KIF26B: variants seen among roughly 807,000 people sequenced by gnomAD.
KIF26B encodes kinesin-like protein KIF26B.
Under a neutral mutation model 151.2 loss-of-function variants are expected in KIF26B, and 63 were observed. That is an observed-to-expected ratio of 0.42 (90% CI 0.34 to 0.51). The LOEUF (loss-of-function observed/expected upper bound fraction) is 0.51, where lower values mean the gene tolerates loss of function less well. KIF26B is among the 20% of genes least tolerant of loss of function. The probability of loss-of-function intolerance (pLI) is 0.07; values close to 1 mark genes in which losing one functional copy is unlikely to be tolerated. For missense variants in KIF26B, 2,813 were observed against 2,913.6 expected (o/e 0.97, Z 0.79); for synonymous variants, 1,357 against 1,262.1 (o/e 1.08, Z -1.59).
At chr1:245,161,717 G>A (rs1223033095) in intron 2 of KIF26B, among the ~76,000 whole-genome samples, 1 of 152,178 alleles carries the variant, frequency 6.6e-6, no homozygotes, top group Non-Finnish European at 1.5e-5. Context: ...AGTGCTTGAT[G>A]TGGTTAAGAT....
intron 2 of KIF26B, among the ~76,000 whole-genome samples, chr1:245,243,109 T>C (rs1670241440): frequency 6.6e-6 from 1 of 152,236 alleles, no homozygotes; most frequent in Non-Finnish European, 1.5e-5. Flanking sequence ...TGTCAAGTCA[T>C]AAGTTGTACA....
chr1:245,510,875 C>T, intron 4 of KIF26B: 1 of 575,598 alleles, frequency 1.7e-6, no homozygotes, highest in Non-Finnish European at 3.1e-6. Flanking sequence ...AGGCCAGGAT[C>T]ATGGTTTAGC....
intron 3 of KIF26B, among the ~76,000 whole-genome samples, chr1:245,416,597 G>A (rs985290547): frequency 3.3e-5 from 5 of 152,082 alleles, no homozygotes; most frequent in African/African-American, 1.2e-4. Flanking sequence ...AAAAGATTGA[G>A]GCTCTGTAAA....
At chr1:245,594,643 C>T (rs2043321841) in intron 5 of KIF26B, among the ~76,000 whole-genome samples, 1 of 152,100 alleles carries the variant, frequency 6.6e-6, no homozygotes, top group African/African-American at 2.4e-5. Context: ...ATTGTCTTGG[C>T]TATATGGGCT....
intron 2 of KIF26B, among the ~76,000 whole-genome samples, chr1:245,346,725 A>G (rs1311854503): frequency 6.6e-6 from 1 of 152,164 alleles, no homozygotes; most frequent in Non-Finnish European, 1.5e-5. Context: ...TAATGCAGTC[A>G]TTATCTGTTA....
chr1:245,279,499 C>T (rs1214196259), intron 2 of KIF26B, among the ~76,000 whole-genome samples: 1 of 151,666 alleles, frequency 6.6e-6, no homozygotes, highest in Non-Finnish European at 1.5e-5. Flanking sequence ...TGTAGAGATG[C>T]GGTTTTGCCA....
intron 2 of KIF26B, among the ~76,000 whole-genome samples, chr1:245,184,136 A>G (rs959145733): frequency 3.6e-5 from 5 of 140,322 alleles, no homozygotes; most frequent in Admixed American, 2.4e-4. Context: ...GCTCTGGGAA[A>G]GTGGGGGGAA....
At chr1:245,644,235 T>C (rs929383883) in intron 9 of KIF26B, among the ~76,000 whole-genome samples, 7 of 152,164 alleles carry the variant, frequency 4.6e-5, no homozygotes, top group Admixed American at 3.9e-4. Flanking sequence ...ATCTTCAAAT[T>C]TGCTGATTTT....
chr1:245,391,016 T>G (rs1673686746), intron 3 of KIF26B, among the ~76,000 whole-genome samples: 1 of 149,594 alleles, frequency 6.7e-6, no homozygotes, highest in Non-Finnish European at 1.5e-5. Context: ...TCTACTACCA[T>G]GGGCTTGAAA....
chr1:245,168,036 G>A (rs1406121058), intron 2 of KIF26B, among the ~76,000 whole-genome samples: 1 of 152,192 alleles, frequency 6.6e-6, no homozygotes, highest in Non-Finnish European at 1.5e-5. Context: ...TATGATCTTG[G>A]GAGAATCACC....
At chr1:245,699,351 T>G (rs1433256490) in intron 14 of KIF26B, among the ~76,000 whole-genome samples, 1 of 152,132 alleles carries the variant, frequency 6.6e-6, no homozygotes, top group Non-Finnish European at 1.5e-5. Context: ...AAGGCTGTAT[T>G]ACAAATCTCC....
intron 2 of KIF26B, among the ~76,000 whole-genome samples, chr1:245,212,035 A>G (rs1431235366): frequency 6.6e-6 from 1 of 152,122 alleles, no homozygotes; most frequent in Non-Finnish European, 1.5e-5. Context: ...GTCTTGAGGA[A>G]GGGTCCCCCC....
chr1:245,317,744 G>T (rs932632097), intron 2 of KIF26B, among the ~76,000 whole-genome samples: 2 of 152,188 alleles, frequency 1.3e-5, no homozygotes, highest in African/African-American at 4.8e-5. Context: ...TGGACCAAGG[G>T]GCCTGGGCAG....
chr1:245,545,614 A>C (rs1024350922), intron 5 of KIF26B, among the ~76,000 whole-genome samples: 109 of 152,196 alleles, frequency 7.2e-4, no homozygotes, highest in African/African-American at 2.5e-3. Context: ...GCTTAAAATG[A>C]TTCTGTCTCA....
intron 2 of KIF26B, among the ~76,000 whole-genome samples, chr1:245,207,882 C>A (rs1288329795): frequency 6.6e-6 from 1 of 152,150 alleles, no homozygotes; most frequent in Non-Finnish European, 1.5e-5. Flanking sequence ...TGTTAGATGT[C>A]CTGAAAAATG....
At chr1:245,235,054 G>A (rs1055573728) in intron 2 of KIF26B, among the ~76,000 whole-genome samples, 2 of 152,106 alleles carry the variant, frequency 1.3e-5, no homozygotes, top group African/African-American at 2.4e-5. Context: ...CTGTCCCTTC[G>A]GCCTCCTCCT....
At chr1:245,518,920 C>T (rs1352448474) in intron 4 of KIF26B, among the ~76,000 whole-genome samples, 2 of 152,266 alleles carry the variant, frequency 1.3e-5, no homozygotes, top group Non-Finnish European at 2.9e-5. Flanking sequence ...CACTCACTCC[C>T]GGATCCCTTT....
chr1:245,212,841 T>A (rs61694335), intron 2 of KIF26B, among the ~76,000 whole-genome samples: 3,601 of 152,338 alleles, frequency 0.024, 141 homozygotes, highest in African/African-American at 0.079. Context: ...TACCCATGAA[T>A]TGAGTAAAAT....
intron 2 of KIF26B, among the ~76,000 whole-genome samples, chr1:245,190,800 C>T (rs1558339519): frequency 6.6e-6 from 1 of 151,816 alleles, no homozygotes; most frequent in Non-Finnish European, 1.5e-5. Context: ...TGGCTCATGC[C>T]TATAATCCCA....
Sources: gnomAD v4.1 joint callset for allele counts (sites outside exome capture counted in the v4.1 genomes callset) on GRCh38, gnomAD v4.1.1 for gene constraint, MANE v1.5 for transcripts, NCBI Gene and HGNC (gene_info 2026-07-23, HGNC 2026-07-21) for gene names.